RPN2: variants seen among roughly 807,000 people sequenced by gnomAD.
The protein encoded by RPN2 is dolichyl-diphosphooligosaccharide--protein glycosyltransferase subunit 2.
A neutral mutation model predicts 71.4 loss-of-function variants in RPN2; 29 were observed. The observed-to-expected ratio is 0.41, with a 90% confidence interval of 0.30 to 0.55. RPN2 has a LOEUF of 0.55. Ranked by LOEUF, RPN2 falls within the 20% of genes least tolerant of loss-of-function variation. The pLI is 0.35. For synonymous variants in RPN2, 308 were observed against 305.0 expected (o/e 1.01, Z -0.10); for missense variants, 726 against 774.1 (o/e 0.94, Z 0.74).
At chr20:37,203,170 C>T (rs938134392) in intron 4 of RPN2, among the ~76,000 whole-genome samples, 5 of 152,156 alleles carry the variant, frequency 3.3e-5, no homozygotes, top group Admixed American at 6.5e-5. Flanking sequence ...AGTGATCCTC[C>T]TGCCTCGGCC....
chr20:37,235,142 T>TTATGGTGCA (rs1241766265), intron 15 of RPN2, among the ~76,000 whole-genome samples: 1 of 152,128 alleles, frequency 6.6e-6, no homozygotes, highest in Non-Finnish European at 1.5e-5. Context: ...GATCAGATTA[T>TTATGGTGCA]TATGGTGCAG....
At position 37,213,456 on chromosome 20, in the gene RPN2, G is replaced by A. The variant is rs148819002; in HGVS notation, c.987-304G>A. ...ACTGCAAAATTATCTGGACGTGATG[G>A]TGCATGCCTGCTGTCCCAACTACCA... On this transcript the variant is annotated intron_variant, in intron 8 of 16. Coordinates refer to ENST00000237530, the MANE Select transcript of RPN2 (RefSeq NM_002951.5). Among the ~76,000 whole-genome samples the A allele has an allele frequency of 7.8e-3, 1,184 of 152,212 alleles. 2 individuals carry two copies. Among genetic ancestry groups the A allele is most frequent in the Middle Eastern group, 0.014 (4 of 294 alleles).
intron 2 of RPN2, among the ~76,000 whole-genome samples, chr20:37,185,926 C>T (rs1400190187): frequency 6.6e-6 from 1 of 152,254 alleles, no homozygotes; most frequent in Non-Finnish European, 1.5e-5. Flanking sequence ...GAATCTGCCT[C>T]CAGGCCCATT....
chr20:37,203,168 T>C (rs2067432581), intron 4 of RPN2, among the ~76,000 whole-genome samples: 1 of 152,094 alleles, frequency 6.6e-6, no homozygotes, highest in South Asian at 2.1e-4. Context: ...TAAGTGATCC[T>C]CCTGCCTCGG....
intron 12 of RPN2, 25 bp from the exon 13 acceptor site, chr20:37,229,948 T>G (rs1357987845): frequency 6.3e-7 from 1 of 1,577,012 alleles, no homozygotes; most frequent in Non-Finnish European, 8.7e-7. Context: ...CCCTGTGCTT[T>G]TACAGACTGT....
chr20:37,185,901 G>A (rs1161731034), intron 2 of RPN2, among the ~76,000 whole-genome samples: 5 of 152,216 alleles, frequency 3.3e-5, no homozygotes, highest in Non-Finnish European at 7.3e-5. Flanking sequence ...GGCTCCTCCC[G>A]GAAGCACTGG....
intron 8 of RPN2, 76 bp from the exon 9 acceptor site, chr20:37,213,684 A>G: frequency 3.5e-6 from 4 of 1,148,750 alleles, no homozygotes; most frequent in East Asian, 4.7e-5. Flanking sequence ...TCCAGGAGAC[A>G]TTTTGTAGCT....
intron 7 of RPN2, 123 bp from the exon 8 acceptor site, chr20:37,209,924 T>C: frequency 6.6e-7 from 1 of 1,523,034 alleles, no homozygotes; most frequent in East Asian, 2.4e-5. Flanking sequence ...TCAGCCAAGA[T>C]TTCCCGAAGC....
chr20:37,207,899 G>A (rs1289345403), intron 7 of RPN2, among the ~76,000 whole-genome samples: 1 of 151,976 alleles, frequency 6.6e-6, no homozygotes, highest in African/African-American at 2.4e-5. Context: ...CCAGGCTGGT[G>A]TTGAACTCCT....
intron 9 of RPN2, among the ~76,000 whole-genome samples, chr20:37,216,826 T>C (rs1236202843): frequency 6.6e-6 from 1 of 152,222 alleles, no homozygotes; most frequent in Non-Finnish European, 1.5e-5. Context: ...TCGGTCTATC[T>C]GAAGTTCATT....
chr20:37,214,379 A>G (rs575655463), intron 9 of RPN2, among the ~76,000 whole-genome samples: 1 of 152,218 alleles, frequency 6.6e-6, no homozygotes, highest in Non-Finnish European at 1.5e-5. Context: ...TGAAGATCGA[A>G]GTAGCTTTAA....
chr20:37,220,629 T>C (rs1373927294), intron 9 of RPN2, among the ~76,000 whole-genome samples: 2 of 152,206 alleles, frequency 1.3e-5, no homozygotes, highest in Non-Finnish European at 2.9e-5. Flanking sequence ...TAGCTGCATT[T>C]AAAGTGGAGA....
At chr20:37,216,703 C>T (rs535461759) in intron 9 of RPN2, among the ~76,000 whole-genome samples, 2 of 152,012 alleles carry the variant, frequency 1.3e-5, no homozygotes, top group Non-Finnish European at 2.9e-5. Context: ...CTCAAATGAT[C>T]CGCCTGCTTT....
intron 6 of RPN2, 149 bp from the exon 7 acceptor site, chr20:37,207,124 G>C: frequency 1.5e-6 from 1 of 674,076 alleles, no homozygotes; most frequent in East Asian, 2.7e-5. Context: ...GAATATTTGC[G>C]TTTTCTCCAT....
chr20:37,232,708 C>T (rs996464189), intron 14 of RPN2, among the ~76,000 whole-genome samples: 4 of 152,162 alleles, frequency 2.6e-5, no homozygotes, highest in African/African-American at 9.7e-5. Flanking sequence ...AGATCCGATG[C>T]TGGTAGCTAT....
chr20:37,211,453 A>C (rs2067663711), intron 8 of RPN2, among the ~76,000 whole-genome samples: 1 of 151,092 alleles, frequency 6.6e-6, no homozygotes, highest in Non-Finnish European at 1.5e-5. Context: ...AGCCTGGCCA[A>C]CATGGCGAAA....
intron 4 of RPN2, among the ~76,000 whole-genome samples, chr20:37,199,722 T>C (rs1339622867): frequency 1.3e-5 from 2 of 152,204 alleles, no homozygotes; most frequent in African/African-American, 4.8e-5. Context: ...ACTCTACTAC[T>C]CTGCAAAAGG....
chr20:37,238,987 G>GCTC (rs2068480074), intron 16 of RPN2, among the ~76,000 whole-genome samples: 1 of 152,160 alleles, frequency 6.6e-6, no homozygotes, highest in South Asian at 2.1e-4. Context: ...AGCACTCAGG[G>GCTC]TATGTTAAAA....
chr20:37,228,823 G>A (rs879431459), intron 12 of RPN2, 79 bp downstream of exon 12: 2 of 1,372,686 alleles, frequency 1.5e-6, no homozygotes, highest in Non-Finnish European at 2.1e-6. Context: ...AGGGGCATGG[G>A]GCTCTTCACC....
Sources: allele counts gnomAD v4.1 joint callset (sites outside exome capture counted in the v4.1 genomes callset), GRCh38; gene constraint gnomAD v4.1.1; transcripts MANE v1.5; gene names NCBI Gene and HGNC (gene_info 2026-07-23, HGNC 2026-07-21).